Variants in GPR39 observed in about 807,000 individuals in gnomAD.
GPR39 encodes zinc sensing receptor.
A neutral mutation model predicts 18.4 loss-of-function variants in GPR39; 23 were observed. The ratio of observed to expected loss-of-function variants is 1.25; its 90% CI spans 0.90 to 1.77. The LOEUF (loss-of-function observed/expected upper bound fraction) is 1.77, where lower values mean the gene tolerates loss of function less well. Among genes scored for constraint, GPR39 ranks in the 40% most tolerant of loss-of-function variants. GPR39 has a pLI of 0.00. For missense variants in GPR39, 647 were observed against 602.4 expected (o/e 1.07, Z -0.78); for synonymous variants, 280 against 257.9 (o/e 1.09, Z -0.82).
intron 1 of GPR39, among the ~76,000 whole-genome samples, chr2:132,634,228 T>A (rs1681708270): frequency 6.6e-6 from 1 of 152,098 alleles, no homozygotes; most frequent in Non-Finnish European, 1.5e-5. Context: ...TGGTCATAAT[T>A]GACAGTGGTC....
chr2:132,546,935 G>GC (rs1434403463), intron 1 of GPR39, among the ~76,000 whole-genome samples: 2 of 150,632 alleles, frequency 1.3e-5, no homozygotes, highest in East Asian at 3.9e-4. Context: ...TTTTGGCTCT[G>GC]CCCCTAGATC....
At chr2:132,547,978 C>T (rs1437645281) in intron 1 of GPR39, among the ~76,000 whole-genome samples, 1 of 152,126 alleles carries the variant, frequency 6.6e-6, no homozygotes, top group Non-Finnish European at 1.5e-5. Context: ...ATTTCTGCAG[C>T]CCAGCACACT....
chr2:132,561,604 A>G lies in GPR39; in HGVS notation c.857-83497A>G, dbSNP rs573887876. Among the ~76,000 whole-genome samples the G allele has an allele frequency of 5.4e-3, 818 of 152,064 alleles. 9 individuals carry two copies. Among genetic ancestry groups the G allele is most frequent in the African/African-American group, 0.019 (779 of 41,504 alleles). On this transcript the variant is annotated intron_variant, in intron 1 of 1. Transcript: ENST00000329321. The stretch of plus-strand genomic sequence containing the variant: ...CACACACACACACACACACACACAC[A>G]CACACACACACAGATAAGGAATTGG...
intron 1 of GPR39, among the ~76,000 whole-genome samples, chr2:132,544,922 A>C (rs1391062936): frequency 6.6e-6 from 1 of 152,218 alleles, no homozygotes; most frequent in African/African-American, 2.4e-5. Context: ...GCACCACTCA[A>C]AGGTGGGCAT....
At chr2:132,492,830 TATACACACCATATATAC>T (rs1191813229) in intron 1 of GPR39, among the ~76,000 whole-genome samples, 687 of 141,502 alleles carry the variant, frequency 4.9e-3, no homozygotes, top group African/African-American at 0.011. Flanking sequence ...ATATATACCA[TATACACACCATATATAC>T]ACCATATATA....
chr2:132,636,850 T>G (rs1681764495), intron 1 of GPR39, among the ~76,000 whole-genome samples: 1 of 152,208 alleles, frequency 6.6e-6, no homozygotes, highest in Non-Finnish European at 1.5e-5. Flanking sequence ...AGCTGCAAGC[T>G]TCTTCATTAT....
chr2:132,426,166 C>T (rs1486290692), intron 1 of GPR39, among the ~76,000 whole-genome samples: 2 of 152,182 alleles, frequency 1.3e-5, no homozygotes, highest in Admixed American at 6.5e-5. Flanking sequence ...CCAAGAATTG[C>T]CTTTGGCCCA....
At chr2:132,546,221 G>A (rs577603895) in intron 1 of GPR39, among the ~76,000 whole-genome samples, 8 of 152,110 alleles carry the variant, frequency 5.3e-5, no homozygotes, top group Middle Eastern at 3.4e-3. Flanking sequence ...CACAGATTAC[G>A]GGTCCCCACT....
chr2:132,591,262 A>T (rs1194265057), intron 1 of GPR39, among the ~76,000 whole-genome samples: 1 of 127,406 alleles, frequency 7.8e-6, no homozygotes, highest in Non-Finnish European at 1.6e-5. Context: ...CGTCTCAAAA[A>T]AAAAAAAAAA....
Position 132,507,973 on chromosome 2 carries a change from GGTTGGTT to G in GPR39, c.856+90077_856+90083del, listed in dbSNP as rs1266115591. Among the ~76,000 whole-genome samples, 11 of 152,264 alleles carry G rather than the reference GGTTGGTT, an allele frequency of 7.2e-5. No individual in the cohort carries two copies. The South Asian group carries it at 2.1e-3, about 29-fold the overall frequency. On this transcript the variant is annotated intron_variant, in intron 1 of 1. Transcript: ENST00000329321. ...TATTGTGATTTCATTATGTAGGCAT[GGTTGGTT>G]GAATCGTTGGCCATGTGACTGAATT...
intron 1 of GPR39, among the ~76,000 whole-genome samples, chr2:132,608,376 G>C (rs996257871): frequency 5.3e-5 from 8 of 152,176 alleles, no homozygotes; most frequent in African/African-American, 1.9e-4. Flanking sequence ...TGCACATCTT[G>C]TGAATACACA....
Position 132,646,234 on chromosome 2 carries a change from G to T in GPR39, c.*628G>T. The T allele has an allele frequency of 6.3e-7, 1 of 1,586,206 alleles. No homozygotes were observed. The highest frequency in any genetic ancestry group is 1.1e-5 in the South Asian group (1 of 86,968). On this transcript the variant is annotated 3_prime_UTR_variant, in exon 2 of 2. Transcript: ENST00000329321. ...AGAAGGACTGGTACCCGGCAGAGGC[G>T]ATGAGACAGGCCGCTGATGATGCAC... is the stretch of plus-strand genomic sequence containing the variant.
intron 1 of GPR39, among the ~76,000 whole-genome samples, chr2:132,426,537 C>T (rs1008241932): frequency 3.0e-4 from 46 of 152,222 alleles, no homozygotes; most frequent in African/African-American, 9.9e-4. Flanking sequence ...GCCTGTACCC[C>T]TCATCATTTG....
rs1679920403 is a variant in GPR39, at chr2:132,417,278, A to G, written c.236A>G (p.Asp79Gly). The G allele has an allele frequency of 6.2e-7, 1 of 1,614,124 alleles. No individual in the cohort carries two copies. The highest frequency in any genetic ancestry group is 8.5e-7 in the Non-Finnish European group (1 of 1,180,016). ...TDHMVSLACS[D>G]ILVFLIGMPM... ...CACATGGTGAGTTTGGCTTGCTCGG[A>G]CATCTTGGTGTTCCTCATCGGCATG... Residue 79 changes from aspartate to glycine, a missense_variant, in exon 1 of 2, where the codon GAC becomes GGC. Asp to Gly is a moderately conservative substitution (Grantham distance 94). Coordinates refer to ENST00000329321, the MANE Select transcript of GPR39 (RefSeq NM_001508.3).
chr2:132,546,828 T>G (rs1252380177), intron 1 of GPR39, among the ~76,000 whole-genome samples: 2 of 78,456 alleles, frequency 2.5e-5, no homozygotes, highest in South Asian at 4.6e-4. Flanking sequence ...CAGGATGCAG[T>G]AGCTCCACAG....
chr2:132,434,092 G>A (rs1028826279), intron 1 of GPR39, among the ~76,000 whole-genome samples: 5 of 151,996 alleles, frequency 3.3e-5, no homozygotes, highest in Admixed American at 2.6e-4. Context: ...GAAAATCATT[G>A]AGGAGAAAGG....
chr2:132,529,667 C>T (rs1484931437), intron 1 of GPR39, among the ~76,000 whole-genome samples: 1 of 152,184 alleles, frequency 6.6e-6, no homozygotes, highest in African/African-American at 2.4e-5. Context: ...TCCAGAGGAA[C>T]AATCAGGCAG....
intron 1 of GPR39, among the ~76,000 whole-genome samples, chr2:132,533,947 C>G (rs1573651809): frequency 6.6e-6 from 1 of 152,308 alleles, no homozygotes; most frequent in Admixed American, 6.5e-5. Flanking sequence ...GACTTCATGT[C>G]TAAAACACCA....
At chr2:132,616,758 A>G (rs1186964138) in intron 1 of GPR39, among the ~76,000 whole-genome samples, 3 of 152,348 alleles carry the variant, frequency 2.0e-5, no homozygotes, top group East Asian at 1.9e-4. Context: ...GGAGCCATGC[A>G]TAAATCCCAG....
Sources: allele counts gnomAD v4.1 joint callset (sites outside exome capture counted in the v4.1 genomes callset), GRCh38; gene constraint gnomAD v4.1.1; transcripts MANE v1.5; gene names NCBI Gene and HGNC (gene_info 2026-07-23, HGNC 2026-07-21).